The following RUNX3 variants were observed in gnomAD, a reference collection of about 807,000 sequenced individuals.
The protein encoded by RUNX3 is RUNX family transcription factor 3, also known as runt-related transcription factor 3.
A neutral mutation model predicts 27.7 loss-of-function variants in RUNX3; 10 were observed. The ratio of observed to expected loss-of-function variants is 0.36; its 90% confidence interval spans 0.22 to 0.61. The LOEUF (loss-of-function observed/expected upper bound fraction) is 0.61, where lower values mean the gene tolerates loss of function less well. RUNX3 is among the 20% of genes least tolerant of loss of function. The probability of loss-of-function intolerance (pLI) is 0.72; values close to 1 mark genes in which losing one functional copy is unlikely to be tolerated. For synonymous variants in RUNX3, 270 were observed against 269.2 expected, an observed-to-expected ratio of 1.00 and a Z score of -0.03; for missense variants, 469 against 629.5, an observed-to-expected ratio of 0.75 and a Z score of 2.73.
In RUNX3 at chr1:24,929,904, G is replaced by A; in HGVS notation, c.-36C>T. 3 of 1,247,172 alleles carry A rather than the reference G, an allele frequency of 2.4e-6. No individual in the cohort carries two copies. The highest frequency in any genetic ancestry group is 3.0e-6 in the Non-Finnish European group (3 of 998,144). The allele number at this position is 1,247,172 out of a possible 1,614,324, so 77.3% of individuals were successfully genotyped here. On this transcript the variant is annotated 5_prime_UTR_variant, in exon 1 of 5. Transcript: ENST00000308873. ...GTCAGGGCGCCGGGCAGGCGGAGAC[G>A]GCGCGGCTTCCCCCGGGGGCGGCCG...
upstream of RUNX3, among the ~76,000 whole-genome samples, chr1:24,933,025 C>T (rs1641267086): frequency 6.6e-6 from 1 of 152,190 alleles, no homozygotes; most frequent in East Asian, 1.9e-4. Context: ...GATTCGTCTC[C>T]CTCTGGCATT....
intron 2 of RUNX3, among the ~76,000 whole-genome samples, chr1:24,945,494 G>A (rs149312625): frequency 1.1e-3 from 174 of 152,262 alleles, no homozygotes; most frequent in African/African-American, 3.8e-3. Flanking sequence ...TGCCAGACCC[G>A]GGCTGAGTGC....
At chr1:24,939,451 T>A (rs916885398) in intron 2 of RUNX3, among the ~76,000 whole-genome samples, 2 of 152,228 alleles carry the variant, frequency 1.3e-5, no homozygotes, top group East Asian at 3.8e-4. Flanking sequence ...CGCAGATAGA[T>A]GCACAGATAG....
intron 2 of RUNX3, among the ~76,000 whole-genome samples, chr1:24,921,523 C>T (rs915068977): frequency 1.5e-4 from 23 of 152,206 alleles, no homozygotes; most frequent in African/African-American, 5.3e-4. Context: ...ACCTGGTCTC[C>T]CACTCTCAGG....
At chr1:24,932,793 G>A (rs928446652), upstream of RUNX3, among the ~76,000 whole-genome samples, 3 of 152,168 alleles carry the variant, frequency 2.0e-5, no homozygotes, top group South Asian at 6.2e-4. Flanking sequence ...CCCTTCCCCA[G>A]TTGGCATGGA....
At chr1:24,935,221 CAG>C (rs1392793257), upstream of RUNX3, among the ~76,000 whole-genome samples, 1 of 152,268 alleles carries the variant, frequency 6.6e-6, no homozygotes, top group East Asian at 1.9e-4. Context: ...ATGCCACATT[CAG>C]TGCCTCTCGC....
chr1:24,935,663 C>T (rs1038881486), intron 2 of RUNX3, among the ~76,000 whole-genome samples: 13 of 152,258 alleles, frequency 8.5e-5, no homozygotes, highest in African/African-American at 2.7e-4. Context: ...GCTACTCGCT[C>T]TTGTCATCTG....
rs1199618296 is a variant in RUNX3, at chr1:24,900,362, A to G, written c.*1760T>C. The G allele has an allele frequency of 6.6e-6, 1 of 152,408 alleles. No homozygotes were observed. The allele number at this position is 152,408 out of a possible 1,614,324, so 9.4% of individuals were successfully genotyped here. ...GGTTGGGTGGGGACAGTGCTCTCAC[A>G]GAGACAACCAATGAAGAGCATTTTG... On this transcript the variant is annotated 3_prime_UTR_variant, in exon 5 of 5. Transcript: ENST00000308873.
rs946552694 is a variant in RUNX3, at chr1:24,916,276, C to G, written c.544+2964G>C. On this transcript the variant is annotated intron_variant, in intron 3 of 4. Transcript: ENST00000308873. This position sits in a 1 kb window ranked among gnomAD's most constrained non-coding sequence, Gnocchi z 4.8. The stretch of plus-strand genomic sequence containing the variant: ...GGGGGCACTTCCTGGGGCCAGGCCC[C>G]GGTAAACTCAGTCAACCTTCACAGC... Among the ~76,000 whole-genome samples the G allele has an allele frequency of 1.3e-5, 2 of 152,214 alleles. No individual in the cohort carries two copies. The highest frequency in any genetic ancestry group is 4.8e-5 in the African/African-American group (2 of 41,438).
At chr1:24,914,377 GC>G (rs1481050015) in intron 3 of RUNX3, among the ~76,000 whole-genome samples, 1 of 152,242 alleles carries the variant, frequency 6.6e-6, no homozygotes, top group African/African-American at 2.4e-5. Flanking sequence ...GGGGCGCCGG[GC>G]CCGAGGCCGG....
At chr1:24,935,050 G>A (rs1291138355), upstream of RUNX3, among the ~76,000 whole-genome samples, 1 of 152,214 alleles carries the variant, frequency 6.6e-6, no homozygotes, top group Non-Finnish European at 1.5e-5. Flanking sequence ...GTTTACAGAT[G>A]GGAACACTGA....
intron 2 of RUNX3, among the ~76,000 whole-genome samples, chr1:24,939,209 G>A (rs867862719): frequency 2.6e-5 from 4 of 152,160 alleles, no homozygotes; most frequent in Middle Eastern, 6.8e-3. Context: ...ACACACACAC[G>A]CACACACATC....
intron 2 of RUNX3, among the ~76,000 whole-genome samples, chr1:24,957,621 T>A (rs1009375880): frequency 3.9e-5 from 6 of 152,324 alleles, no homozygotes; most frequent in African/African-American, 1.4e-4. Flanking sequence ...TTCCACATCC[T>A]GCTTAGAGTC....
chr1:24,932,570 T>G (rs1159799899), upstream of RUNX3, among the ~76,000 whole-genome samples: 1 of 152,174 alleles, frequency 6.6e-6, no homozygotes, highest in African/African-American at 2.4e-5. Context: ...AACCGATGGC[T>G]TTGTGTCAAA....
intron 2 of RUNX3, among the ~76,000 whole-genome samples, chr1:24,921,665 T>C (rs1641003470): frequency 1.3e-5 from 2 of 152,250 alleles, no homozygotes; most frequent in Admixed American, 1.3e-4. Flanking sequence ...ATTTCTCTGC[T>C]GGACCTCTTT....
exon 2 of RUNX3, chr1:24,964,529 G>T (rs1241743706): frequency 5.0e-6 from 8 of 1,611,626 alleles, no homozygotes; most frequent in Non-Finnish European, 6.8e-6. Context: ...ATGAAGGTCG[G>T]CGAGTAGGTC....
At chr1:24,914,053 C>T (rs890601725) in intron 3 of RUNX3, among the ~76,000 whole-genome samples, 2 of 152,230 alleles carry the variant, frequency 1.3e-5, no homozygotes, top group Admixed American at 1.3e-4. Context: ...CGGTGTGTGG[C>T]ACCCCTGAGA....
In RUNX3 at chr1:24,899,908, T is replaced by C. The variant is rs566326854; in HGVS notation, c.*2214A>G. The C allele has an allele frequency of 1.3e-5, 2 of 152,498 alleles. No homozygotes were observed. Among genetic ancestry groups the C allele is most frequent in the Admixed American group, 1.3e-4 (2 of 15,310 alleles). The allele number at this position is 152,498 out of a possible 1,614,324, so 9.4% of individuals were successfully genotyped here. A position where few individuals can be genotyped will look rare whatever the true frequency, so the allele number is the denominator to read the frequency against. On this transcript the variant is annotated 3_prime_UTR_variant, in exon 5 of 5. Coordinates refer to ENST00000308873, the MANE Select transcript of RUNX3 (RefSeq NM_004350.3). Reference sequence around the variant, plus strand: ...CAGCCCAGGCTGTCTGTACCCACTTTGGGCCTTACAGACTCAGTACGGCTG... The same window carrying C: ...CAGCCCAGGCTGTCTGTACCCACTTCGGGCCTTACAGACTCAGTACGGCTG...
intron 2 of RUNX3, chr1:24,964,440 G>A: frequency 8.1e-7 from 1 of 1,236,426 alleles, no homozygotes; most frequent in South Asian, 1.3e-5. Context: ...GGCAGCCAGG[G>A]CGGTCAGTGG....
Sources: allele counts gnomAD v4.1 joint callset (sites outside exome capture counted in the v4.1 genomes callset), GRCh38; gene constraint gnomAD v4.1.1; non-coding constraint Gnocchi (gnomAD v3.1); transcripts MANE v1.5; gene names NCBI Gene and HGNC (gene_info 2026-07-23, HGNC 2026-07-21).